Variants in CAMKMT observed in about 807,000 individuals in gnomAD.
CAMKMT encodes calmodulin-lysine N-methyltransferase.
A neutral mutation model predicts 48.0 loss-of-function variants in CAMKMT; 53 were observed. The ratio of observed to expected loss-of-function variants is 1.10; its 90% CI spans 0.89 to 1.39. The LOEUF is 1.39. Ranked by LOEUF, CAMKMT falls within the 40% of genes most tolerant of loss-of-function variation. CAMKMT has a pLI of 0.00. For missense variants in CAMKMT, 428 were observed against 402.7 expected (o/e 1.06, Z -0.54); for synonymous variants, 165 against 152.3 (o/e 1.08, Z -0.61).
chr2:44,454,608 T>A (rs1667462340), intron 3 of CAMKMT, among the ~76,000 whole-genome samples: 1 of 152,138 alleles, frequency 6.6e-6, no homozygotes, highest in African/African-American at 2.4e-5. Context: ...TGAAGTAGGA[T>A]AATAAAACAA....
At chr2:44,759,778 A>G (rs1468487742) in intron 9 of CAMKMT, among the ~76,000 whole-genome samples, 1 of 152,220 alleles carries the variant, frequency 6.6e-6, no homozygotes. Context: ...GCTGTTCAGC[A>G]CATACAGTAA....
intron 3 of CAMKMT, among the ~76,000 whole-genome samples, chr2:44,469,000 A>T (rs997917663): frequency 6.6e-6 from 1 of 152,150 alleles, no homozygotes; most frequent in Non-Finnish European, 1.5e-5. Flanking sequence ...TGTTGATCTC[A>T]TGGAAGTAGG....
intron 3 of CAMKMT, among the ~76,000 whole-genome samples, chr2:44,417,485 T>C (rs1193465813): frequency 6.6e-6 from 1 of 152,234 alleles, no homozygotes; most frequent in Non-Finnish European, 1.5e-5. Context: ...TTTCCGGTTT[T>C]GGGCTGTTTT....
At chr2:44,734,416 T>A (rs374376418) in intron 7 of CAMKMT, among the ~76,000 whole-genome samples, 11 of 152,202 alleles carry the variant, frequency 7.2e-5, no homozygotes, top group African/African-American at 2.2e-4. Context: ...ATTCTTTTTT[T>A]TTTTATTTTT....
chr2:44,423,801 T>C (rs1183641073), intron 3 of CAMKMT, among the ~76,000 whole-genome samples: 1 of 152,154 alleles, frequency 6.6e-6, no homozygotes, highest in East Asian at 1.9e-4. Context: ...AAATCAACAG[T>C]CTCCTTTTCT....
At chr2:44,484,586 T>G (rs1669124246) in intron 3 of CAMKMT, among the ~76,000 whole-genome samples, 1 of 151,944 alleles carries the variant, frequency 6.6e-6, no homozygotes, top group South Asian at 2.1e-4. Flanking sequence ...GATTTCTATT[T>G]AGACTATAAG....
At chr2:44,463,147 A>G (rs895779321) in intron 3 of CAMKMT, among the ~76,000 whole-genome samples, 3 of 152,240 alleles carry the variant, frequency 2.0e-5, no homozygotes, top group Non-Finnish European at 2.9e-5. Context: ...ATGTCTTTGC[A>G]GTCCTTTAAG....
At chr2:44,680,974 G>A (rs1012306247) in intron 3 of CAMKMT, among the ~76,000 whole-genome samples, 1 of 152,200 alleles carries the variant, frequency 6.6e-6, no homozygotes, top group Non-Finnish European at 1.5e-5. Flanking sequence ...TTAACTTCTT[G>A]TCTTGTGTTT....
intron 3 of CAMKMT, among the ~76,000 whole-genome samples, chr2:44,520,888 TTCTC>T (rs1671070825): frequency 6.6e-6 from 1 of 152,210 alleles, no homozygotes; most frequent in Non-Finnish European, 1.5e-5. Flanking sequence ...CATTCATTCT[TTCTC>T]CTGCCGCTCT....
At chr2:44,557,118 T>A (rs1459624319) in intron 3 of CAMKMT, among the ~76,000 whole-genome samples, 2 of 152,250 alleles carry the variant, frequency 1.3e-5, no homozygotes, top group East Asian at 3.9e-4. Context: ...GATTCATTCA[T>A]CATTAATGAT....
chr2:44,624,424 C>G (rs1469771302), intron 3 of CAMKMT, among the ~76,000 whole-genome samples: 1 of 151,900 alleles, frequency 6.6e-6, no homozygotes, highest in Admixed American at 6.6e-5. Context: ...TGTGCTGCAC[C>G]TATTAACTCG....
At chr2:44,673,583 G>C (rs1418379754) in intron 3 of CAMKMT, among the ~76,000 whole-genome samples, 2 of 152,040 alleles carry the variant, frequency 1.3e-5, no homozygotes, top group African/African-American at 2.4e-5. Context: ...AGTGTGACCA[G>C]CTTGCTTATC....
rs191918401 is a variant in CAMKMT, at chr2:44,737,592, C to G, written c.624-6030C>G. ...TCTAATCTGGCTGGTGGAACACTCA[C>G]TATTCCTGGCCCTGTGTGAGCACTG... On this transcript the variant is annotated intron_variant, in intron 7 of 10. Transcript: ENST00000378494. Among the ~76,000 whole-genome samples the G allele has an allele frequency of 5.3e-5, 8 of 152,270 alleles. No homozygotes were observed. The East Asian group carries it at 1.2e-3, about 22-fold the overall frequency.
At chr2:44,708,335 A>G (rs941742753) in intron 6 of CAMKMT, among the ~76,000 whole-genome samples, 1 of 144,850 alleles carries the variant, frequency 6.9e-6, no homozygotes, top group Admixed American at 7.4e-5. Context: ...GGCATCTTAC[A>G]TACAATCTAT....
intron 3 of CAMKMT, among the ~76,000 whole-genome samples, chr2:44,610,065 C>T (rs888963205): frequency 1.3e-5 from 2 of 152,088 alleles, no homozygotes; most frequent in Non-Finnish European, 2.9e-5. Context: ...TCTTTTTCCC[C>T]ACTAAGGAAG....
intron 3 of CAMKMT, among the ~76,000 whole-genome samples, chr2:44,396,740 CTA>C (rs1491093504): frequency 2.1e-5 from 3 of 146,304 alleles, no homozygotes; most frequent in African/African-American, 7.6e-5. Context: ...GATTACCTTT[CTA>C]AAAAAAAAAA....
intron 3 of CAMKMT, among the ~76,000 whole-genome samples, chr2:44,593,837 C>T (rs1670474994): frequency 6.9e-6 from 1 of 145,304 alleles, no homozygotes; most frequent in East Asian, 2.0e-4. Flanking sequence ...GATCTCAGCT[C>T]ACCACAACCT....
At chr2:44,381,580 A>G (rs1230846486) in intron 2 of CAMKMT, among the ~76,000 whole-genome samples, 1 of 152,190 alleles carries the variant, frequency 6.6e-6, no homozygotes, top group Non-Finnish European at 1.5e-5. Context: ...TTAAAATCCA[A>G]CATAAAGTTC....
intron 3 of CAMKMT, among the ~76,000 whole-genome samples, chr2:44,398,632 GT>G (rs1194793507): frequency 1.4e-5 from 2 of 140,594 alleles, no homozygotes; most frequent in African/African-American, 5.3e-5. Context: ...AACAAGTTAT[GT>G]TTTAACATAG....
Sources: gnomAD v4.1 joint callset for allele counts (sites outside exome capture counted in the v4.1 genomes callset) on GRCh38, gnomAD v4.1.1 for gene constraint, MANE v1.5 for transcripts, NCBI Gene and HGNC (gene_info 2026-07-23, HGNC 2026-07-21) for gene names.